Variants in SGSM2 observed in about 807,000 individuals in gnomAD.
The protein encoded by SGSM2 is RUN and TBC1 domain containing 1.
In SGSM2, 89 loss-of-function variants were observed where a neutral mutation model predicts 126.6. The ratio of observed to expected loss-of-function variants is 0.70; its 90% confidence interval spans 0.59 to 0.84. The LOEUF is 0.84. Among genes scored for constraint, SGSM2 ranks in the 40% least tolerant of loss-of-function variants. SGSM2 has a pLI of 0.00. For synonymous variants in SGSM2, 614 were observed against 574.3 expected (o/e 1.07, Z -0.99); for missense variants, 1,404 against 1,416.6 (o/e 0.99, Z 0.14).
rs1189530886 is a variant in SGSM2, at chr17:2,378,945, C to CCAGCCT, written c.2900-88_2900-83dup. Reference sequence around the variant, plus strand: ...CCCAGCCTCAGCCTCAGCCTCAGCCCCAGCCTCAATCCCAGCCTCAGCCTC... The same window carrying CCAGCCT: ...CCCAGCCTCAGCCTCAGCCTCAGCCCCAGCCTCAGCCTCAATCCCAGCCTCAGCCTC... On this transcript the variant is annotated intron_variant, in intron 22 of 23. Transcript: ENST00000268989. 15 of 1,426,366 alleles carry CCAGCCT rather than the reference C, an allele frequency of 1.1e-5. No homozygotes were observed. The East Asian group carries it at 3.3e-4, about 31-fold the overall frequency. 88.4% of individuals were successfully genotyped at this position (1,426,366 alleles called of 1,614,324 possible).
Position 2,373,463 on chromosome 17 carries a change from G to A in SGSM2, c.2050G>A (p.Asp684Asn), listed in dbSNP as rs377210088. 28 of 1,608,806 alleles carry A rather than the reference G, an allele frequency of 1.7e-5. No homozygotes were observed. Among genetic ancestry groups the A allele is most frequent in the Middle Eastern group, 3.3e-4 (2 of 6,060 alleles). Residue 684 changes from aspartate to asparagine, a missense_variant, in exon 17 of 24, where the codon GAC becomes AAC. Asp to Asn is a conservative substitution (Grantham distance 23, BLOSUM62 1). Transcript: ENST00000268989. The part of the protein sequence containing the change: ...RTKFSSGSSI[D>N]SHVQRLIHRD... The stretch of plus-strand genomic sequence containing the variant: ...CAAGTTCTCCTCAGGCAGCAGCATC[G>A]ACAGCCACGTGCAGCGCCTCATCCA...
chr17:2,359,142 G>A (rs2065208032), intron 2 of SGSM2, among the ~76,000 whole-genome samples: 1 of 152,114 alleles, frequency 6.6e-6, no homozygotes, highest in South Asian at 2.1e-4. Flanking sequence ...CTCCCAAAGT[G>A]CTGGGATTAC....
rs1290955432 is a variant in SGSM2 at position 2,372,634 on chromosome 17, C to G, written c.1788+146C>G. The G allele has an allele frequency of 6.7e-6, 8 of 1,191,060 alleles. No homozygotes were observed. In the Admixed American group the frequency reaches 7.9e-5, roughly 12 times the overall value. The allele number at this position is 1,191,060 out of a possible 1,614,324, so 73.8% of individuals were successfully genotyped here. On this transcript the variant is annotated intron_variant, in intron 15 of 23. Coordinates refer to ENST00000268989, the MANE Select transcript of SGSM2 (RefSeq NM_014853.3). The surrounding 1 kb of genome is among the most constrained non-coding windows in gnomAD (Gnocchi z 6.0). Reference sequence around the variant, plus strand: ...ACCAGGGTCCCGGCAGAATCTCTTGCAGCTGGGCCTGGGGCTGACACGGGA... The same window carrying G: ...ACCAGGGTCCCGGCAGAATCTCTTGGAGCTGGGCCTGGGGCTGACACGGGA...
intron 1 of SGSM2, among the ~76,000 whole-genome samples, chr17:2,339,480 T>A (rs1188649290): frequency 6.7e-6 from 1 of 150,230 alleles, no homozygotes; most frequent in Non-Finnish European, 1.5e-5. Flanking sequence ...ATCCTAGCAC[T>A]TTGGGAGGCT....
At chr17:2,338,054 G>A (rs1408168952) in intron 1 of SGSM2, among the ~76,000 whole-genome samples, 2 of 152,072 alleles carry the variant, frequency 1.3e-5, no homozygotes, top group African/African-American at 2.4e-5. Context: ...GGGGATGGCT[G>A]GATCCGGAGC....
intron 2 of SGSM2, among the ~76,000 whole-genome samples, chr17:2,359,003 A>G (rs898787892): frequency 2.0e-5 from 3 of 149,886 alleles, no homozygotes; most frequent in Non-Finnish European, 3.0e-5. Flanking sequence ...TCAGCCTCCC[A>G]GGTAGCTGGG....
Position 2,372,501 on chromosome 17 carries a change from G to A in SGSM2, c.1788+13G>A. On this transcript the variant is annotated intron_variant, in intron 15 of 23. Transcript: ENST00000268989. This position sits in a 1 kb window ranked among gnomAD's most constrained non-coding sequence, Gnocchi z 6.0. Reference sequence around the variant, plus strand: ...GAAGGACAAAAAGGTGCCAACCCTGGGGTTCCAGGGCCACAGGTCGAGGGG... The same window carrying A: ...GAAGGACAAAAAGGTGCCAACCCTGAGGTTCCAGGGCCACAGGTCGAGGGG... 6.3e-7 allele frequency: 1 copy of A among 1,595,932 alleles called. No homozygotes were observed. The highest frequency in any genetic ancestry group is 1.1e-5 in the South Asian group (1 of 88,258).
Position 2,337,630 on chromosome 17 carries a change from C to T in SGSM2, c.-59C>T. 1 of 1,273,232 alleles carries T rather than the reference C, an allele frequency of 7.9e-7. No homozygotes were observed. Among genetic ancestry groups the T allele is most frequent in the Middle Eastern group, 2.7e-4 (1 of 3,704 alleles). 78.9% of individuals were successfully genotyped at this position (1,273,232 alleles called of 1,614,324 possible). The stretch of plus-strand genomic sequence containing the variant: ...GCGTGGGGCGCTGAGCCGAGAGGCG[C>T]GGAGGCGGCGAGGGCGCGGGGGCTC... On this transcript the variant is annotated 5_prime_UTR_variant, in exon 1 of 24. Transcript: ENST00000268989. This position sits in a 1 kb window ranked among gnomAD's most constrained non-coding sequence, Gnocchi z 5.1.
intron 22 of SGSM2, among the ~76,000 whole-genome samples, chr17:2,378,165 C>T (rs1447167190): frequency 6.6e-6 from 1 of 152,244 alleles, no homozygotes; most frequent in Non-Finnish European, 1.5e-5. Context: ...GACACAGTGG[C>T]TCACGCCTGT....
At chr17:2,378,258 C>T (rs921556846) in intron 22 of SGSM2, among the ~76,000 whole-genome samples, 2 of 151,712 alleles carry the variant, frequency 1.3e-5, no homozygotes, top group East Asian at 3.9e-4. Flanking sequence ...ATAGCGAGAC[C>T]CTGTCTTTAA....
At chr17:2,345,836 T>C (rs1263950946) in intron 2 of SGSM2, among the ~76,000 whole-genome samples, 1 of 152,078 alleles carries the variant, frequency 6.6e-6, no homozygotes, top group African/African-American at 2.4e-5. Context: ...TTTGTCAAAA[T>C]TGGTGCTCAG....
At position 2,367,085 on chromosome 17, in the gene SGSM2, C is replaced by T. The variant is rs1321033262; in HGVS notation, c.1289-186C>T. 1.9e-5 allele frequency: 12 copies of T among 634,994 alleles called. No homozygotes were observed. Among genetic ancestry groups the T allele is most frequent in the South Asian group, 4.3e-5 (2 of 46,170 alleles). 39.3% of individuals were successfully genotyped at this position (634,994 alleles called of 1,614,324 possible). On this transcript the variant is annotated intron_variant, in intron 11 of 23. Transcript: ENST00000268989. This position sits in a 1 kb window ranked among gnomAD's most constrained non-coding sequence, Gnocchi z 4.0. ...AGGTTCTGCAGCTGCCCCAGCCCCT[C>T]GCCTCCTTCCACACTCTCCCAGGAA...
In SGSM2 at chr17:2,380,621, C is replaced by G. The variant is rs1597406716; in HGVS notation, c.*1101C>G. The G allele has an allele frequency of 2.3e-6, 1 of 426,676 alleles. No individual in the cohort carries two copies. The highest frequency in any genetic ancestry group is 4.8e-5 in the East Asian group (1 of 20,864). The allele number at this position is 426,676 out of a possible 1,614,324, so 26.4% of individuals were successfully genotyped here. On this transcript the variant is annotated 3_prime_UTR_variant, in exon 24 of 24. Coordinates refer to ENST00000268989, the MANE Select transcript of SGSM2 (RefSeq NM_014853.3). ...CGGGGGTGCCAGGAAGGGCATAGCT[C>G]CTGCCCCCAGGCCTAGGCATGCTGC...
intron 1 of SGSM2, among the ~76,000 whole-genome samples, chr17:2,340,673 C>A (rs912557578): frequency 1.3e-5 from 2 of 152,014 alleles, no homozygotes; most frequent in Non-Finnish European, 2.9e-5. Flanking sequence ...CAAGCTCCGC[C>A]TCCCGGGTTC....
chr17:2,344,101 C>G (rs2064489718), intron 2 of SGSM2, among the ~76,000 whole-genome samples: 1 of 152,140 alleles, frequency 6.6e-6, no homozygotes, highest in Non-Finnish European at 1.5e-5. Flanking sequence ...TGATCCTAAC[C>G]CCAAGCCCTT....
rs752867292 is a variant in SGSM2 at position 2,379,083 on chromosome 17, G to A, written c.2947G>A (p.Ala983Thr). The A allele has an allele frequency of 6.2e-7, 1 of 1,614,230 alleles. No individual in the cohort carries two copies. Among genetic ancestry groups the A allele is most frequent in the East Asian group, 2.2e-5 (1 of 44,890 alleles). ...TGCTGTGTGGGAGGTGATCTGGGCA[G>A]CCAGGCACATCTCATCGGAGCACTT... ...VFAVWEVIWA[A>T]RHISSEHFVL... The change falls in exon 23 of 24, where the codon GCC becomes ACC. Residue 983 changes from alanine (A) to threonine (T), a missense_variant. By Grantham distance (58) the Ala-to-Thr change is moderately conservative (BLOSUM62 0). Coordinates refer to ENST00000268989, the MANE Select transcript of SGSM2 (RefSeq NM_014853.3).
chr17:2,376,157 G>T lies in SGSM2; in HGVS notation c.2505G>T (p.Val835=), dbSNP rs781546559. The change falls in exon 19 of 24, where the codon GTG becomes GTT. Residue 835 remains valine (V), a synonymous_variant. Transcript: ENST00000268989. ...TCCAGATAGAATTACTGGACACTGT[G>T]GCCTTAAACCTGCACCGCATAGACA... ...AAYTIELLDT[V]ALNLHRIDKD... is the part of the protein sequence containing the mutation. 16 of 1,614,092 alleles carry T rather than the reference G, an allele frequency of 9.9e-6. No individual in the cohort carries two copies. In the South Asian group the frequency reaches 1.3e-4, roughly 13 times the overall value.
At chr17:2,342,684 T>C (rs1439858727) in intron 1 of SGSM2, among the ~76,000 whole-genome samples, 2 of 152,146 alleles carry the variant, frequency 1.3e-5, no homozygotes. Flanking sequence ...TTAAGTGCTT[T>C]CTTAAAGAAA....
chr17:2,354,625 G>A (rs1026803940), intron 2 of SGSM2, among the ~76,000 whole-genome samples: 3 of 152,200 alleles, frequency 2.0e-5, no homozygotes, highest in Non-Finnish European at 4.4e-5. Context: ...TCTGTAGGAC[G>A]GATTCTCAGA....
Sources: gnomAD v4.1 joint callset for allele counts (sites outside exome capture counted in the v4.1 genomes callset) on GRCh38, gnomAD v4.1.1 for gene constraint, Gnocchi (gnomAD v3.1) non-coding constraint, MANE v1.5 for transcripts, NCBI Gene and HGNC (gene_info 2026-07-23, HGNC 2026-07-21) for gene names.